Variants in DNAJC25 observed in about 807,000 individuals in gnomAD.
DNAJC25 encodes dnaJ homolog subfamily C member 25.
In DNAJC25, 26 loss-of-function variants were observed where a neutral mutation model predicts 42.1. The ratio of observed to expected loss-of-function variants is 0.62; its 90% CI spans 0.45 to 0.86. The LOEUF is 0.86. DNAJC25 is among the 40% of genes least tolerant of loss of function. The pLI, the probability that DNAJC25 is intolerant of heterozygous loss-of-function variation, is 0.00. For missense variants in DNAJC25, 404 were observed against 459.4 expected (o/e 0.88, Z 1.10); for synonymous variants, 189 against 179.9 (o/e 1.05, Z -0.40).
rs906357078 is a variant in DNAJC25 at position 111,649,762 on chromosome 9, A to G, written c.799A>G (p.Ile267Val). The change falls in exon 3 of 4, where the codon ATC becomes GTC. Residue 267 changes from isoleucine (I) to valine (V), a missense_variant. By Grantham distance (29) the Ile-to-Val change is conservative. Transcript: ENST00000313525. ...CSYIVWYCRW[I>V]YNFNIKGKEY... ...ATATATAGTTTGGTATTGTCGGTGG[A>G]TCTATAATTTTAACATCAAAGGCAA... is the stretch of plus-strand genomic sequence containing the variant. 7 of 1,613,914 alleles carry G rather than the reference A, an allele frequency of 4.3e-6. No individual in the cohort carries two copies. Among genetic ancestry groups the G allele is most frequent in the Non-Finnish European group, 5.1e-6 (6 of 1,180,004 alleles).
At chr9:111,647,495 T>A (rs1830584634) in intron 2 of DNAJC25, among the ~76,000 whole-genome samples, 1 of 152,228 alleles carries the variant, frequency 6.6e-6, no homozygotes, top group Non-Finnish European at 1.5e-5. Flanking sequence ...TTTTTCATTG[T>A]TCCCTCTGGA....
At chr9:111,650,315 C>A (rs3031181) in intron 3 of DNAJC25, among the ~76,000 whole-genome samples, 191 of 74,110 alleles carry the variant, frequency 2.6e-3, no homozygotes, top group African/African-American at 6.2e-3. Flanking sequence ...AAAAAAAAAA[C>A]AACAGAGTAA....
rs930470205 is a variant in DNAJC25 at position 111,631,348 on chromosome 9, G to C, written c.-60G>C. 3.3e-5 allele frequency: 41 copies of C among 1,252,648 alleles called. No individual in the cohort carries two copies. In the African/African-American group the frequency reaches 3.9e-4, roughly 12 times the overall value. 77.6% of individuals were successfully genotyped at this position (1,252,648 alleles called of 1,614,324 possible). On this transcript the variant is annotated 5_prime_UTR_variant, in exon 1 of 4. Transcript: ENST00000313525. ...TAGCTGGGGCCAGACGGGACTAGCCGGGCGCGCGGCTGAGTGCTGCAGAAT... is the reference window on the plus strand; with the variant it reads ...TAGCTGGGGCCAGACGGGACTAGCCCGGCGCGCGGCTGAGTGCTGCAGAAT...
chr9:111,646,958 A>G (rs1830575483), intron 1 of DNAJC25, 149 bp from the exon 2 acceptor site: 1 of 847,892 alleles, frequency 1.2e-6, no homozygotes, highest in Non-Finnish European at 1.6e-6. Context: ...TTGAAGAGCA[A>G]TGGGAAATTT....
chr9:111,631,383 G>A lies in DNAJC25; in HGVS notation c.-25G>A. 1 of 1,273,782 alleles carries A rather than the reference G, an allele frequency of 7.9e-7. No homozygotes were observed. The allele number at this position is 1,273,782 out of a possible 1,614,324, so 78.9% of individuals were successfully genotyped here. On this transcript the variant is annotated 5_prime_UTR_variant, in exon 1 of 4. Transcript: ENST00000313525. ...CTGAGTGCTGCAGAATCGCTGGGGTGGCAGAGCCGCCAGCGAGGCTGGGGA... is the reference window on the plus strand; with the variant it reads ...CTGAGTGCTGCAGAATCGCTGGGGTAGCAGAGCCGCCAGCGAGGCTGGGGA...
chr9:111,648,376 C>T (rs1564086865), intron 2 of DNAJC25, among the ~76,000 whole-genome samples: 1 of 151,978 alleles, frequency 6.6e-6, no homozygotes, highest in Non-Finnish European at 1.5e-5. Context: ...ATCCTCCCAC[C>T]TCAGCCTCCT....
chr9:111,632,309 A>T (rs946332195), intron 1 of DNAJC25, among the ~76,000 whole-genome samples: 1 of 152,204 alleles, frequency 6.6e-6, no homozygotes, highest in African/African-American at 2.4e-5. Context: ...ATGTTGAAAT[A>T]GCTGTTTCTT....
chr9:111,642,018 C>G (rs1830481457), intron 1 of DNAJC25, among the ~76,000 whole-genome samples: 2 of 120,714 alleles, frequency 1.7e-5, no homozygotes, highest in African/African-American at 6.3e-5. Flanking sequence ...GCCAGCCGCC[C>G]CGTCCGGGAG....
At chr9:111,648,831 A>C (rs1243164427) in intron 2 of DNAJC25, among the ~76,000 whole-genome samples, 1 of 152,232 alleles carries the variant, frequency 6.6e-6, no homozygotes, top group African/African-American at 2.4e-5. Flanking sequence ...CTATGTGAGG[A>C]GCAGGGCATT....
Position 111,631,892 on chromosome 9 carries a change from C to T in DNAJC25, c.336+149C>T, listed in dbSNP as rs534210635. ...ACCTTTAAGATACTCACGTTTCCCA[C>T]GTGGCCCTGTGAAAGAGCCGAGTCG... is the stretch of plus-strand genomic sequence containing the variant. On this transcript the variant is annotated intron_variant, in intron 1 of 3. Coordinates refer to ENST00000313525, the MANE Select transcript of DNAJC25 (RefSeq NM_001015882.3). The T allele has an allele frequency of 1.8e-5, 25 of 1,378,326 alleles. No homozygotes were observed. The South Asian group carries it at 3.7e-4, about 21-fold the overall frequency. The allele number at this position is 1,378,326 out of a possible 1,614,324, so 85.4% of individuals were successfully genotyped here.
intron 3 of DNAJC25, 46 bp from the exon 4 acceptor site, chr9:111,653,054 T>C (rs1830687747): frequency 1.3e-6 from 2 of 1,489,004 alleles, no homozygotes; most frequent in South Asian, 2.9e-5. Flanking sequence ...TAATGGCAAA[T>C]GTTCCTCTTT....
intron 3 of DNAJC25, among the ~76,000 whole-genome samples, chr9:111,650,868 C>T (rs1051043601): frequency 2.6e-5 from 4 of 152,136 alleles, no homozygotes. Context: ...TATGTGATGT[C>T]CTAAATAGAT....
intron 1 of DNAJC25, among the ~76,000 whole-genome samples, chr9:111,632,146 G>C (rs1830292866): frequency 6.6e-6 from 1 of 152,106 alleles, no homozygotes; most frequent in Non-Finnish European, 1.5e-5. Context: ...TGATATGACA[G>C]AAAATTGGTT....
At position 111,631,665 on chromosome 9, in the gene DNAJC25, A is replaced by G; in HGVS notation, c.258A>G (p.Gly86=). The G allele has an allele frequency of 6.6e-7, 1 of 1,521,112 alleles. No individual in the cohort carries two copies. Among genetic ancestry groups the G allele is most frequent in the Non-Finnish European group, 8.8e-7 (1 of 1,141,070 alleles). The allele number at this position is 1,521,112 out of a possible 1,614,324, so 94.2% of individuals were successfully genotyped here. The change falls in exon 1 of 4, where the codon GGA becomes GGG. Residue 86 remains glycine, a synonymous_variant. Coordinates refer to ENST00000313525, the MANE Select transcript of DNAJC25 (RefSeq NM_001015882.3). ...CTGACCGCTACCGGCCCCAGCCCGG[A>G]GACGAGGGCCCCGGGCGGACGCCGC... ...YHPDRYRPQP[G]DEGPGRTPQS... is the part of the protein sequence containing the mutation.
intron 1 of DNAJC25, among the ~76,000 whole-genome samples, chr9:111,633,392 T>C (rs1830316910): frequency 6.6e-6 from 1 of 152,212 alleles, no homozygotes; most frequent in Non-Finnish European, 1.5e-5. Context: ...GATAGTGATA[T>C]TTGGATTGTA....
At chr9:111,632,758 G>C (rs1013961065) in intron 1 of DNAJC25, among the ~76,000 whole-genome samples, 26 of 150,882 alleles carry the variant, frequency 1.7e-4, no homozygotes, top group African/African-American at 5.6e-4. Context: ...ATTGTACTTT[G>C]AGTGGATATA....
intron 1 of DNAJC25, among the ~76,000 whole-genome samples, chr9:111,641,677 G>C (rs1830471327): frequency 9.9e-5 from 13 of 131,580 alleles, no homozygotes; most frequent in Middle Eastern, 4.0e-3. Context: ...AGGGAGGTGG[G>C]GGGGGGGTCA....
At chr9:111,635,874 G>C (rs1830354655) in intron 1 of DNAJC25, among the ~76,000 whole-genome samples, 1 of 151,332 alleles carries the variant, frequency 6.6e-6, no homozygotes, top group African/African-American at 2.4e-5. Flanking sequence ...TTAGCACTTA[G>C]GAAGAATTTA....
rs1564631930 is a variant in DNAJC25 at position 111,631,413 on chromosome 9, G to T, written c.6G>T (p.Gly2=). 7.8e-7 allele frequency: 1 copy of T among 1,279,778 alleles called. No individual in the cohort carries two copies. The highest frequency in any genetic ancestry group is 1.6e-5 in the African/African-American group (1 of 64,492). 79.3% of individuals were successfully genotyped at this position (1,279,778 alleles called of 1,614,324 possible). Reference sequence around the variant, plus strand: ...AGCCGCCAGCGAGGCTGGGGATGGGGGCGCCGCTGCTCTCTCCCGGCTGGG... The same window carrying T: ...AGCCGCCAGCGAGGCTGGGGATGGGTGCGCCGCTGCTCTCTCCCGGCTGGG... The part of the protein sequence containing the change: M[G]APLLSPGWGA... The change falls in exon 1 of 4, where the codon GGG becomes GGT. Residue 2 remains glycine (G), a synonymous_variant. Coordinates refer to ENST00000313525, the MANE Select transcript of DNAJC25 (RefSeq NM_001015882.3).
Sources: allele counts gnomAD v4.1 joint callset (sites outside exome capture counted in the v4.1 genomes callset), GRCh38; gene constraint gnomAD v4.1.1; transcripts MANE v1.5; gene names NCBI Gene and HGNC (gene_info 2026-07-23, HGNC 2026-07-21).